Variants in GNAT2 observed in about 807,000 individuals in gnomAD.
GNAT2 encodes guanine nucleotide-binding protein G(t) subunit alpha-2.
In GNAT2, 32 loss-of-function variants were observed where a neutral mutation model predicts 40.9. The ratio of observed to expected loss-of-function variants is 0.78; its 90% confidence interval spans 0.59 to 1.05. The LOEUF is 1.05. GNAT2 is among the 50% of genes least tolerant of loss of function. The probability of loss-of-function intolerance (pLI) is 0.00; values close to 1 mark genes in which losing one functional copy is unlikely to be tolerated. For synonymous variants in GNAT2, 141 were observed against 157.2 expected (o/e 0.90, Z 0.77); for missense variants, 355 against 431.5 (o/e 0.82, Z 1.57).
chr1:109,604,135 A>T, intron 7 of GNAT2, 31 bp from the exon 8 acceptor site: 1 of 1,577,436 alleles, frequency 6.3e-7, no homozygotes, highest in Non-Finnish European at 8.7e-7. Flanking sequence ...TGGAAATATC[A>T]GATTTGGCTT....
chr1:109,613,436 ATTTGT>A (rs1649860299), intron 1 of GNAT2: 1 of 167,172 alleles, frequency 6.0e-6, no homozygotes, highest in African/African-American at 2.4e-5. Context: ...TGGCCAGGAA[ATTTGT>A]TTTGGGTGGT....
intron 5 of GNAT2, chr1:109,608,140 TA>T (rs11312348): frequency 0.14 from 28,078 of 201,966 alleles, 2,212 homozygotes; most frequent in South Asian, 0.18. Context: ...CATCGTGACA[TA>T]AGATGCTCTA....
At chr1:109,610,350 A>T (rs1282083256) in intron 3 of GNAT2, 115 bp downstream of exon 3, 4 of 1,219,808 alleles carry the variant, frequency 3.3e-6, no homozygotes, top group Non-Finnish European at 4.9e-6. Context: ...CATTGGAATC[A>T]GATCCTTTAT....
intron 2 of GNAT2, chr1:109,611,999 T>C (rs766065314): frequency 2.0e-5 from 3 of 152,428 alleles, no homozygotes; most frequent in African/African-American, 7.2e-5. Context: ...GTGGTACCAG[T>C]GGTTTGTTTT....
chr1:109,606,040 C>T lies in GNAT2; in HGVS notation c.650G>A (p.Gly217Glu), dbSNP rs1649580974. The T allele has an allele frequency of 1.2e-6, 2 of 1,612,832 alleles. No individual in the cohort carries two copies. Among genetic ancestry groups the T allele is most frequent in the African/African-American group, 1.3e-5 (1 of 75,050 alleles). Residue 217 changes from glycine to glutamate, a missense_variant, in exon 7 of 9, where the codon GGA becomes GAA. Coordinates refer to ENST00000679935, the MANE Select transcript of GNAT2 (RefSeq NM_001377295.2). ...ERKKWIHCFE[G>E]VTCIIFCAAL... The stretch of plus-strand genomic sequence containing the variant: ...TGCACAGAAAATGATGCAGGTGACT[C>T]CCTCGAAGCAGTGGATCCACTTCTT...
At chr1:109,603,743 C>G in intron 8 of GNAT2, 199 bp from the exon 9 acceptor site, 1 of 660,316 alleles carries the variant, frequency 1.5e-6, no homozygotes, top group Non-Finnish European at 2.7e-6. Flanking sequence ...GGTGTCTTTC[C>G]ACCTTTGGTT....
At chr1:109,606,498 A>T (rs1649602643) in intron 5 of GNAT2, 62 bp from the exon 6 acceptor site, 1 of 1,434,240 alleles carries the variant, frequency 7.0e-7, no homozygotes, top group African/African-American at 1.4e-5. Flanking sequence ...GAGACGTAAA[A>T]GGTATCTTAC....
chr1:109,605,692 C>T (rs533067886), intron 7 of GNAT2: 1 of 416,702 alleles, frequency 2.4e-6, no homozygotes, highest in East Asian at 5.4e-5. Flanking sequence ...TCTTTGCACT[C>T]AATTCCTCTT....
intron 8 of GNAT2, 78 bp downstream of exon 8, chr1:109,603,873 C>A: frequency 9.3e-7 from 1 of 1,076,232 alleles, no homozygotes; most frequent in Non-Finnish European, 1.4e-6. Flanking sequence ...TCCTTTGTGT[C>A]ATCTTGGCCT....
At chr1:109,609,028 G>C in intron 4 of GNAT2, 1 of 552,078 alleles carries the variant, frequency 1.8e-6, no homozygotes, top group Non-Finnish European at 3.3e-6. Flanking sequence ...AGGGGTCCCA[G>C]GTATTTCCTC....
chr1:109,606,380 T>C lies in GNAT2; in HGVS notation c.518A>G (p.Asp173Gly). 6.2e-7 allele frequency: 1 copy of C among 1,610,748 alleles called. No homozygotes were observed. Among genetic ancestry groups the C allele is most frequent in the South Asian group, 1.1e-5 (1 of 91,016 alleles). The change falls in exon 6 of 9, where the codon GAT becomes GGT. Residue 173 changes from aspartate (D) to glycine (G), a missense_variant. Coordinates refer to ENST00000679935, the MANE Select transcript of GNAT2 (RefSeq NM_001377295.2). ...TDPEYLPSEQ[D>G]VLRSRVKTTG... ...GGTTTTGACTCTGGATCGGAGCACA[T>C]CTTGCTCACTAGGGAGGTACTCAGG...
chr1:109,606,946 A>G (rs1411794400), intron 5 of GNAT2: 1 of 165,706 alleles, frequency 6.0e-6, no homozygotes, highest in Non-Finnish European at 1.3e-5. Flanking sequence ...TATTCTTTTT[A>G]TAAAAAGGGT....
rs780793773 is a variant in GNAT2, at chr1:109,608,739, G to A, written c.353C>T (p.Thr118Ile). The change falls in exon 5 of 9, where the codon ACC becomes ATC. Residue 118 changes from threonine (T) to isoleucine (I), a missense_variant. Coordinates refer to ENST00000679935, the MANE Select transcript of GNAT2 (RefSeq NM_001377295.2). ...GACCTCCACGAGCTCAGGAGGCATGGTTCCCTCCTCAATGGAGTCAGCCAG... is the reference window on the plus strand; with the variant it reads ...GACCTCCACGAGCTCAGGAGGCATGATTCCCTCCTCAATGGAGTCAGCCAG... Reference protein sequence around the residue: ...NNLADSIEEGTMPPELVEVIR... With the variant: ...NNLADSIEEGIMPPELVEVIR... The A allele has an allele frequency of 7.6e-5, 122 of 1,613,034 alleles. No individual in the cohort carries two copies. The highest frequency in any genetic ancestry group is 9.8e-5 in the Non-Finnish European group (115 of 1,179,112).
At chr1:109,607,237 G>A (rs1361795658) in intron 5 of GNAT2, 1 of 151,822 alleles carries the variant, frequency 6.6e-6, no homozygotes, top group Non-Finnish European at 1.5e-5. Context: ...GGATCACAAG[G>A]TCAGGAGATC....
At position 109,606,125 on chromosome 1, in the gene GNAT2, T is replaced by G. The variant is rs762529730; in HGVS notation, c.591-26A>C. The G allele has an allele frequency of 2.5e-6, 4 of 1,613,792 alleles. No individual in the cohort carries two copies. In the East Asian group the frequency reaches 8.9e-5, roughly 36 times the overall value. On this transcript the variant is annotated intron_variant, in intron 6 of 8. Coordinates refer to ENST00000679935, the MANE Select transcript of GNAT2 (RefSeq NM_001377295.2). ...CTGAGGGAAGAAGCAGCTATTTTCATAGGTATGCCCAACATACGACCTATA... is the reference window on the plus strand; with the variant it reads ...CTGAGGGAAGAAGCAGCTATTTTCAGAGGTATGCCCAACATACGACCTATA...
intron 1 of GNAT2, among the ~76,000 whole-genome samples, chr1:109,619,115 T>C (rs1201149122): frequency 1.3e-5 from 2 of 152,220 alleles, no homozygotes; most frequent in Non-Finnish European, 2.9e-5. Context: ...GCAGTGGGGA[T>C]GCTTGTTGGA....
chr1:109,605,162 A>G (rs1447221312), intron 7 of GNAT2: 1 of 152,362 alleles, frequency 6.6e-6, no homozygotes, highest in Non-Finnish European at 1.5e-5. Flanking sequence ...TGCTTGGGTG[A>G]AATTAACATT....
chr1:109,618,895 G>C (rs1220005228), intron 1 of GNAT2, among the ~76,000 whole-genome samples: 1 of 152,184 alleles, frequency 6.6e-6, no homozygotes, highest in African/African-American at 2.4e-5. Context: ...GGGAGGCAGA[G>C]TTTGGGAAGG....
Position 109,612,742 on chromosome 1 carries a change from A to C in GNAT2, c.118+11T>G. 6.6e-7 allele frequency: 1 copy of C among 1,504,120 alleles called. No homozygotes were observed. The highest frequency in any genetic ancestry group is 1.1e-5 in the South Asian group (1 of 88,928). 93.2% of individuals were successfully genotyped at this position (1,504,120 alleles called of 1,614,324 possible). ...CCTGCCTTCTCTGGCTCATCTTCCCATCTCACTCACCCAGCAGTAGCAGCT... is the reference window on the plus strand; with the variant it reads ...CCTGCCTTCTCTGGCTCATCTTCCCCTCTCACTCACCCAGCAGTAGCAGCT... On this transcript the variant is annotated intron_variant, in intron 2 of 8. Coordinates refer to ENST00000679935, the MANE Select transcript of GNAT2 (RefSeq NM_001377295.2).
Sources: allele counts gnomAD v4.1 joint callset (sites outside exome capture counted in the v4.1 genomes callset), GRCh38; gene constraint gnomAD v4.1.1; transcripts MANE v1.5; gene names NCBI Gene and HGNC (gene_info 2026-07-23, HGNC 2026-07-21).